The following LINGO2 variants were observed in gnomAD, a reference collection of about 807,000 sequenced individuals.
The protein encoded by LINGO2 is leucine rich repeat and Ig domain containing 2.
In LINGO2, 14 loss-of-function variants were observed where a neutral mutation model predicts 30.6. That is an observed-to-expected ratio of 0.46 (90% CI 0.30 to 0.72). The LOEUF (loss-of-function observed/expected upper bound fraction) is 0.72. Among genes scored for constraint, LINGO2 ranks in the 30% least tolerant of loss-of-function variants. LINGO2 has a pLI of 0.07. For missense variants in LINGO2, 729 were observed against 751.7 expected, an observed-to-expected ratio of 0.97 and a Z score of 0.35; for synonymous variants, 317 against 288.5, an observed-to-expected ratio of 1.10 and a Z score of -1.00.
chr9:28,863,385 G>A, the LINGO2 span, among the ~76,000 whole-genome samples: 1 of 152,078 alleles, frequency 6.6e-6, no homozygotes, highest in Non-Finnish European at 1.5e-5. Context: ...AAAAAGAACA[G>A]TAGAGACAGA....
Position 28,502,131 on chromosome 9 carries a change from G to GACACACACAC in LINGO2, c.-364-26116_-364-26107dup, listed in dbSNP as rs57545947. Among the ~76,000 whole-genome samples the GACACACACAC allele has an allele frequency of 7.5e-3, 1,110 of 147,124 alleles. 5 individuals are homozygous for GACACACACAC. The highest frequency in any genetic ancestry group is 0.014 in the Middle Eastern group (4 of 290). ...TCCAGGTCTCAAGATGAGAAACACA[G>GACACACACAC]ACACACACACACACACACACACACA... On this transcript the variant is annotated intron_variant, in intron 1 of 5. Coordinates refer to ENST00000379992, the Ensembl canonical transcript of LINGO2.
the LINGO2 span, among the ~76,000 whole-genome samples, chr9:28,813,859 G>A: frequency 6.6e-6 from 1 of 152,090 alleles, no homozygotes; most frequent in African/African-American, 2.4e-5. Context: ...TTCCTTTAAG[G>A]AGAACAAAAT....
At chr9:27,985,760 C>A (rs983221918) in intron 5 of LINGO2, among the ~76,000 whole-genome samples, 1 of 151,698 alleles carries the variant, frequency 6.6e-6, no homozygotes, top group Non-Finnish European at 1.5e-5. Flanking sequence ...CCCCCCAACA[C>A]TTCCCAGGCC....
intron 1 of LINGO2, among the ~76,000 whole-genome samples, chr9:28,651,907 T>C (rs1828119577): frequency 6.6e-6 from 1 of 152,164 alleles, no homozygotes; most frequent in African/African-American, 2.4e-5. Flanking sequence ...GTTTATTACC[T>C]TTGTGCACAA....
At chr9:28,081,356 G>C (rs1429568249) in intron 4 of LINGO2, among the ~76,000 whole-genome samples, 1 of 150,360 alleles carries the variant, frequency 6.7e-6, no homozygotes, top group East Asian at 2.0e-4. Context: ...AAAATTATTT[G>C]TAATAAATTA....
intron 4 of LINGO2, among the ~76,000 whole-genome samples, chr9:28,254,726 C>A (rs1467796139): frequency 6.6e-6 from 1 of 152,024 alleles, no homozygotes; most frequent in African/African-American, 2.4e-5. Context: ...CTCACTCAAA[C>A]AACCATTTTT....
chr9:28,500,933 G>A (rs1282894253), intron 1 of LINGO2, among the ~76,000 whole-genome samples: 6 of 152,000 alleles, frequency 3.9e-5, no homozygotes, highest in African/African-American at 7.2e-5. Flanking sequence ...CAGTTAAAGT[G>A]GAAGAATGAA....
the LINGO2 span, among the ~76,000 whole-genome samples, chr9:28,793,893 A>C: frequency 6.6e-6 from 1 of 152,190 alleles, no homozygotes; most frequent in Non-Finnish European, 1.5e-5. Flanking sequence ...ACTGCTCTAC[A>C]CTATTTAAGG....
intron 1 of LINGO2, among the ~76,000 whole-genome samples, chr9:28,630,904 G>T (rs1160674352): frequency 6.7e-6 from 1 of 148,204 alleles, no homozygotes; most frequent in Non-Finnish European, 1.5e-5. Context: ...AAAAAAAAAA[G>T]TAGCCCCATG....
intron 4 of LINGO2, among the ~76,000 whole-genome samples, chr9:28,198,159 G>GA (rs150172700): frequency 0.087 from 12,327 of 141,346 alleles, 683 homozygotes; most frequent in East Asian, 0.21. Flanking sequence ...GAAATTTCAG[G>GA]AAAAAAAAAC....
chr9:29,146,518 T>C, the LINGO2 span, among the ~76,000 whole-genome samples: 1 of 152,214 alleles, frequency 6.6e-6, no homozygotes, highest in Non-Finnish European at 1.5e-5. Flanking sequence ...GCTGCAAGAC[T>C]ATATCAAGCT....
At chr9:28,081,210 A>G (rs868552941) in intron 4 of LINGO2, among the ~76,000 whole-genome samples, 28 of 152,030 alleles carry the variant, frequency 1.8e-4, no homozygotes, top group Non-Finnish European at 3.4e-4. Flanking sequence ...TGTTGTGGCA[A>G]ATAAAACTAT....
intron 3 of LINGO2, among the ~76,000 whole-genome samples, chr9:28,353,392 A>G (rs958522900): frequency 6.6e-6 from 1 of 150,898 alleles, no homozygotes; most frequent in African/African-American, 2.4e-5. Flanking sequence ...GCCAAAAAAC[A>G]CATGAAAAAA....
chr9:27,985,958 C>G (rs1427816657), intron 5 of LINGO2, among the ~76,000 whole-genome samples: 1 of 151,846 alleles, frequency 6.6e-6, no homozygotes, highest in Non-Finnish European at 1.5e-5. Flanking sequence ...CAAGACACTT[C>G]TCACTGGAAA....
chr9:28,916,968 G>A, the LINGO2 span, among the ~76,000 whole-genome samples: 2 of 152,140 alleles, frequency 1.3e-5, no homozygotes, highest in East Asian at 3.9e-4. Context: ...TATATGTAAG[G>A]ATTTTGGAAG....
the LINGO2 span, among the ~76,000 whole-genome samples, chr9:28,841,909 C>T: frequency 5.3e-5 from 8 of 151,834 alleles, no homozygotes; most frequent in South Asian, 1.7e-3. Context: ...AAACCGCCTT[C>T]CTCATTTAGA....
intron 4 of LINGO2, among the ~76,000 whole-genome samples, chr9:28,293,826 A>C (rs1055922276): frequency 6.6e-6 from 1 of 152,238 alleles, no homozygotes; most frequent in African/African-American, 2.4e-5. Flanking sequence ...AGTCTATCCC[A>C]AAGTATTTTC....
chr9:28,248,772 T>C (rs1323871485), intron 4 of LINGO2, among the ~76,000 whole-genome samples: 2 of 152,180 alleles, frequency 1.3e-5, no homozygotes, highest in Non-Finnish European at 2.9e-5. Flanking sequence ...AATAAAATTG[T>C]TTTCTAAAGT....
At chr9:28,499,292 T>G (rs1819789499) in intron 1 of LINGO2, among the ~76,000 whole-genome samples, 1 of 152,182 alleles carries the variant, frequency 6.6e-6, no homozygotes, top group African/African-American at 2.4e-5. Flanking sequence ...AAAGACCATC[T>G]CAGTCAGACC....
Sources: gnomAD v4.1 joint callset for allele counts (sites outside exome capture counted in the v4.1 genomes callset) on GRCh38, gnomAD v4.1.1 for gene constraint, MANE v1.5 for transcripts, NCBI Gene and HGNC (gene_info 2026-07-23, HGNC 2026-07-21) for gene names.